The following AKAP12 variants were observed in gnomAD, a reference collection of about 807,000 sequenced individuals.
The protein encoded by AKAP12 is A-kinase anchor protein 12.
In AKAP12, 32 loss-of-function variants were observed where a neutral mutation model predicts 79.9. The observed-to-expected ratio is 0.40, with a 90% CI of 0.30 to 0.54. The LOEUF is 0.54. AKAP12 is among the 20% of genes least tolerant of loss of function. AKAP12 has a pLI of 0.48. For synonymous variants in AKAP12, 808 were observed against 857.0 expected (o/e 0.94, Z 1.00); for missense variants, 2,074 against 2,177.0 (o/e 0.95, Z 0.94).
chr6:151,353,192 C>T lies in AKAP12; in HGVS notation c.4801C>T (p.Pro1601Ser). The T allele has an allele frequency of 6.2e-7, 1 of 1,614,124 alleles. No individual in the cohort carries two copies. The highest frequency in any genetic ancestry group is 8.5e-7 in the Non-Finnish European group (1 of 1,180,008). Residue 1601 changes from proline to serine, a missense_variant, in exon 4 of 5, where the codon CCT becomes TCT. Coordinates refer to ENST00000402676, the MANE Select transcript of AKAP12 (RefSeq NM_005100.4). The stretch of plus-strand genomic sequence containing the variant: ...GGAAACGGAGAAAGAAGGAGAGGAA[C>T]CTCAGGCCTCTGCACAGGATGAAAC... Reference protein sequence around the residue: ...GQETEKEGEEPQASAQDETPI... With the variant: ...GQETEKEGEESQASAQDETPI...
At chr6:151,354,549 A>AT (rs1778395797) in intron 4 of AKAP12, among the ~76,000 whole-genome samples, 1 of 151,510 alleles carries the variant, frequency 6.6e-6, no homozygotes, top group African/African-American at 2.4e-5. Flanking sequence ...AATTTTTTGT[A>AT]TTTTTAGTAG....
At chr6:151,251,207 A>C (rs576857959) in intron 2 of AKAP12, among the ~76,000 whole-genome samples, 1 of 152,186 alleles carries the variant, frequency 6.6e-6, no homozygotes, top group African/African-American at 2.4e-5. Flanking sequence ...ATGAAAGAGG[A>C]TAAGTTGCAG....
chr6:151,353,985 ATGTGAC>A (rs952102742), intron 4 of AKAP12, among the ~76,000 whole-genome samples: 5 of 152,166 alleles, frequency 3.3e-5, no homozygotes, highest in African/African-American at 1.2e-4. Context: ...TTACCTCCTA[ATGTGAC>A]TGCTTTAGAA....
intron 3 of AKAP12, among the ~76,000 whole-genome samples, chr6:151,328,146 T>C (rs1055524462): frequency 6.7e-6 from 1 of 149,830 alleles, no homozygotes; most frequent in African/African-American, 2.5e-5. Context: ...GCTAACACGG[T>C]GAAACCCCGT....
chr6:151,321,347 G>A (rs1380454658), intron 3 of AKAP12, among the ~76,000 whole-genome samples: 4 of 151,948 alleles, frequency 2.6e-5, no homozygotes, highest in Non-Finnish European at 4.4e-5. Context: ...TCCCTCTCCC[G>A]CCAAAACCCC....
In AKAP12 at chr6:151,248,032, A is replaced by G. The variant is rs371644950; in HGVS notation, c.162+7308A>G. Among the ~76,000 whole-genome samples the G allele has an allele frequency of 1.9e-4, 28 of 151,236 alleles. No individual in the cohort carries two copies. The East Asian group carries it at 4.4e-3, about 24-fold the overall frequency. ...CATGTCAGTTTCATGTTTGATTTCAAAACGAAATAAACCAAAATTTAAGAA... is the reference window on the plus strand; with the variant it reads ...CATGTCAGTTTCATGTTTGATTTCAGAACGAAATAAACCAAAATTTAAGAA... On this transcript the variant is annotated intron_variant, in intron 2 of 4. Transcript: ENST00000402676.
intron 2 of AKAP12, among the ~76,000 whole-genome samples, chr6:151,277,967 TG>T (rs1247279803): frequency 5.0e-5 from 6 of 120,868 alleles, no homozygotes; most frequent in African/African-American, 1.7e-4. Flanking sequence ...TGTGTGTGTG[TG>T]TGTGTCTGTC....
rs965727336 is a variant in AKAP12 at position 151,305,758 on chromosome 6, G to T, written c.174G>T (p.Lys58Asn). 3.7e-6 allele frequency: 6 copies of T among 1,611,128 alleles called. No homozygotes were observed. Among genetic ancestry groups the T allele is most frequent in the Non-Finnish European group, 5.1e-6 (6 of 1,179,024 alleles). The change falls in exon 3 of 5, where the codon AAG (lysine) becomes AAT (asparagine). Residue 58 changes from lysine to asparagine, a missense_variant. Around this residue, in one of 3 missense-constraint regions of AKAP12, gnomAD observed 1,428 missense variants for 1,451.0 expected, o/e 0.98. Coordinates refer to ENST00000402676, the MANE Select transcript of AKAP12 (RefSeq NM_005100.4). ...ASDPATKLLQKNGQLSTINGV... is the reference protein window; with the variant it reads ...ASDPATKLLQNNGQLSTINGV... ...TGTCTTTTCCATAGCTCCTACAGAAGAATGGTCAGCTGTCCACCATCAATG... is the reference window on the plus strand; with the variant it reads ...TGTCTTTTCCATAGCTCCTACAGAATAATGGTCAGCTGTCCACCATCAATG...
At chr6:151,273,262 G>T (rs1049288166) in intron 2 of AKAP12, among the ~76,000 whole-genome samples, 1 of 152,198 alleles carries the variant, frequency 6.6e-6, no homozygotes, top group East Asian at 1.9e-4. Context: ...GTGATGGTGC[G>T]GTGATAGTGA....
chr6:151,341,864 G>T (rs1470482835), intron 3 of AKAP12: 9 of 1,171,676 alleles, frequency 7.7e-6, no homozygotes, highest in Non-Finnish European at 1.0e-5. Flanking sequence ...GGCGCGCAGG[G>T]ACAGGTCGGG....
chr6:151,289,550 T>G (rs1776571351), intron 2 of AKAP12, among the ~76,000 whole-genome samples: 1 of 152,232 alleles, frequency 6.6e-6, no homozygotes, highest in Non-Finnish European at 1.5e-5. Flanking sequence ...ACATAGTCAC[T>G]TCTTAAGAAA....
At chr6:151,348,103 C>T (rs867781015) in intron 3 of AKAP12, among the ~76,000 whole-genome samples, 25 of 151,414 alleles carry the variant, frequency 1.7e-4, no homozygotes, top group Admixed American at 3.3e-4. Context: ...CAGTGAGCCA[C>T]GATCGTGCCT....
intron 2 of AKAP12, among the ~76,000 whole-genome samples, chr6:151,241,409 C>G (rs1442270927): frequency 1.3e-5 from 2 of 152,254 alleles, no homozygotes; most frequent in Non-Finnish European, 2.9e-5. Flanking sequence ...CTCGCGTTCG[C>G]TCAGCGCTTT....
rs528884497 is a variant in AKAP12, at chr6:151,304,927, G to A, written c.163-820G>A. ...AGTTGCACAGGGCATCCTATGGGGA[G>A]GATTGCAAATGACCATTGTAGTAAT... On this transcript the variant is annotated intron_variant, in intron 2 of 4. Coordinates refer to ENST00000402676, the MANE Select transcript of AKAP12 (RefSeq NM_005100.4). Among the ~76,000 whole-genome samples the A allele has an allele frequency of 1.8e-3, 280 of 152,254 alleles. 2 individuals carry two copies. Among genetic ancestry groups the A allele is most frequent in the African/African-American group, 6.5e-3 (270 of 41,552 alleles).
At chr6:151,294,776 A>G (rs1562725193) in intron 2 of AKAP12, among the ~76,000 whole-genome samples, 1 of 152,226 alleles carries the variant, frequency 6.6e-6, no homozygotes, top group Non-Finnish European at 1.5e-5. Context: ...AATACTTTTA[A>G]AAACAACTAT....
chr6:151,343,677 G>A (rs1376031826), intron 3 of AKAP12, among the ~76,000 whole-genome samples: 1 of 152,122 alleles, frequency 6.6e-6, no homozygotes, highest in Non-Finnish European at 1.5e-5. Context: ...CCAGCTACTT[G>A]GGAAGCTGAG....
intron 2 of AKAP12, among the ~76,000 whole-genome samples, chr6:151,267,667 C>A (rs1776077190): frequency 6.6e-6 from 1 of 152,188 alleles, no homozygotes; most frequent in Non-Finnish European, 1.5e-5. Context: ...GATTTTGTGT[C>A]TATAGTTATT....
intron 2 of AKAP12, among the ~76,000 whole-genome samples, chr6:151,299,701 A>G (rs750804057): frequency 6.6e-6 from 1 of 151,508 alleles, no homozygotes; most frequent in Admixed American, 6.6e-5. Flanking sequence ...GATGTTGTCT[A>G]TTGCATGAAC....
intron 3 of AKAP12, among the ~76,000 whole-genome samples, chr6:151,312,010 A>T (rs1261604501): frequency 1.3e-5 from 2 of 152,104 alleles, no homozygotes; most frequent in Admixed American, 1.3e-4. Flanking sequence ...TATTTTTATG[A>T]TTTGATTCCT....
Sources: allele counts gnomAD v4.1 joint callset (sites outside exome capture counted in the v4.1 genomes callset), GRCh38; gene constraint gnomAD v4.1.1; regional missense constraint gnomAD v4.1.1; transcripts MANE v1.5; gene names NCBI Gene and HGNC (gene_info 2026-07-23, HGNC 2026-07-21).